OCA2: variants seen among roughly 807,000 people sequenced by gnomAD.
OCA2 encodes the protein P protein.
OCA2 carries 77 observed loss-of-function variants against 100.2 expected under a neutral mutation model. The ratio of observed to expected loss-of-function variants is 0.77; its 90% CI spans 0.64 to 0.93. The LOEUF (loss-of-function observed/expected upper bound fraction) is 0.93. Ranked by LOEUF, OCA2 falls within the 40% of genes least tolerant of loss-of-function variation. The pLI, the probability that OCA2 is intolerant of heterozygous loss-of-function variation, is 0.00. For synonymous variants in OCA2, 432 were observed against 439.2 expected, an observed-to-expected ratio of 0.98 and a Z score of 0.21; for missense variants, 1,062 against 1,089.1, an observed-to-expected ratio of 0.98 and a Z score of 0.35.
intron 16 of OCA2, 94 bp from the exon 17 acceptor site, chr15:27,955,309 G>A (rs912128477): frequency 6.3e-5 from 58 of 918,674 alleles, no homozygotes; most frequent in East Asian, 6.0e-4. Context: ...GCCTGGACGC[G>A]GTCTGTGACT....
At chr15:28,058,560 C>T (rs1285755149) in intron 2 of OCA2, among the ~76,000 whole-genome samples, 1 of 152,182 alleles carries the variant, frequency 6.6e-6, no homozygotes, top group Admixed American at 6.5e-5. Context: ...CCTGTCACCT[C>T]CTCATCCCCC....
Position 27,821,154 on chromosome 15 carries a change from T to C in OCA2, c.2432+23805A>G, listed in dbSNP as rs1024922492. ...CAGAGGCTATGATTTCCAAAGCCCA[T>C]AACAACACGAGAAAAGCACCAGTTT... is the stretch of plus-strand genomic sequence containing the variant. On this transcript the variant is annotated intron_variant, in intron 23 of 23. Transcript: ENST00000354638. Among the ~76,000 whole-genome samples, 13 of 152,194 alleles carry C rather than the reference T, an allele frequency of 8.5e-5. No homozygotes were observed. In the South Asian group the frequency reaches 2.1e-3, roughly 24 times the overall value.
intron 2 of OCA2, among the ~76,000 whole-genome samples, chr15:28,034,636 G>A (rs1028590422): frequency 1.3e-5 from 2 of 152,228 alleles, no homozygotes; most frequent in African/African-American, 4.8e-5. Flanking sequence ...TTAGCCGGGT[G>A]TGGTGGTGTA....
At chr15:27,861,785 A>G (rs1171125471) in intron 21 of OCA2, among the ~76,000 whole-genome samples, 5 of 152,332 alleles carry the variant, frequency 3.3e-5, no homozygotes, top group Non-Finnish European at 7.4e-5. Context: ...GTGTCTGGCT[A>G]CAGGAAACTG....
chr15:27,852,847 GAAATGC>G (rs2035807332), intron 21 of OCA2, among the ~76,000 whole-genome samples: 1 of 120,796 alleles, frequency 8.3e-6, no homozygotes, highest in Non-Finnish European at 1.7e-5. Flanking sequence ...GGCCATCAGA[GAAATGC>G]AAATCAAAAC....
chr15:27,842,021 CA>C (rs2035360104), intron 23 of OCA2, among the ~76,000 whole-genome samples: 1 of 152,194 alleles, frequency 6.6e-6, no homozygotes. Flanking sequence ...AATTTATCTT[CA>C]ATTATCAGAA....
intron 2 of OCA2, among the ~76,000 whole-genome samples, chr15:28,052,677 G>GTA (rs2043553449): frequency 6.6e-6 from 1 of 152,226 alleles, no homozygotes; most frequent in East Asian, 1.9e-4. Context: ...ACGATACGAT[G>GTA]TAAAACTAGA....
Position 27,946,946 on chromosome 15 carries a change from C to T in OCA2, c.1951+4838G>A, listed in dbSNP as rs139654240. The stretch of plus-strand genomic sequence containing the variant: ...ATTCCAGAAAGGGGCCTGCCCCACA[C>T]TCAGAAGGAAGGAGTGCCGCTCAGA... On this transcript the variant is annotated intron_variant, in intron 18 of 23. Coordinates refer to ENST00000354638, the MANE Select transcript of OCA2 (RefSeq NM_000275.3). 1.5e-3 allele frequency among the ~76,000 whole-genome samples: 225 copies of T among 152,366 alleles called. 1 individual carries two copies. The highest frequency in any genetic ancestry group is 5.0e-3 in the African/African-American group (207 of 41,596).
intron 9 of OCA2, among the ~76,000 whole-genome samples, chr15:28,010,451 T>C (rs1262209277): frequency 1.3e-5 from 2 of 152,190 alleles, no homozygotes; most frequent in African/African-American, 2.4e-5. Flanking sequence ...ATTGTCTACA[T>C]AGGAAATCTC....
Position 27,847,898 on chromosome 15 carries a change from G to A in OCA2, c.2339-2846C>T, listed in dbSNP as rs926535674. 6.6e-5 allele frequency among the ~76,000 whole-genome samples: 10 copies of A among 152,144 alleles called. No homozygotes were observed. The South Asian group carries it at 8.3e-4, about 13-fold the overall frequency. ...CAGGTGGCACAAGTCCAGACACAGC[G>A]ACAGCAGAGCTCTGTGGCGCCGTCA... On this transcript the variant is annotated intron_variant, in intron 22 of 23. Transcript: ENST00000354638.
intron 18 of OCA2, among the ~76,000 whole-genome samples, chr15:27,948,933 C>T (rs766678689): frequency 6.6e-6 from 1 of 152,076 alleles, no homozygotes; most frequent in East Asian, 1.9e-4. Flanking sequence ...TTGCCAGGAC[C>T]GGGGGAGGGT....
chr15:27,729,631 A>C, the OCA2 span, among the ~76,000 whole-genome samples: 1 of 152,254 alleles, frequency 6.6e-6, no homozygotes, highest in African/African-American at 2.4e-5. Flanking sequence ...CAGAACCAGC[A>C]ACTGGAGCAT....
chr15:27,954,076 T>G (rs1211846023), intron 17 of OCA2, among the ~76,000 whole-genome samples: 1 of 151,804 alleles, frequency 6.6e-6, no homozygotes, highest in African/African-American at 2.4e-5. Flanking sequence ...TGAATGCCAT[T>G]ATTTCATTCC....
chr15:27,750,262 C>A (rs1366148117), downstream of OCA2, among the ~76,000 whole-genome samples: 1 of 152,096 alleles, frequency 6.6e-6, no homozygotes, highest in East Asian at 1.9e-4. Flanking sequence ...GACAAATTAA[C>A]CTGTATATTG....
intron 18 of OCA2, among the ~76,000 whole-genome samples, chr15:27,948,057 G>T (rs991159063): frequency 6.6e-6 from 1 of 152,204 alleles, no homozygotes; most frequent in Non-Finnish European, 1.5e-5. Flanking sequence ...TAATGAACCA[G>T]GCATTAGCAG....
At position 27,957,655 on chromosome 15, in the gene OCA2, G is replaced by A. The variant is rs140556122; in HGVS notation, c.1717C>T (p.Arg573Cys). ...GCCAGCACCTTCCCCAGCAGCAGGC[G>A]GCGCACAGCTGTCTCCTCGCGGCTG... ...PASREETAVR[R>C]LLLGKVLALE... The change falls in exon 16 of 24, where the codon CGC becomes TGC. Residue 573 changes from arginine to cysteine, a missense_variant. Transcript: ENST00000354638. This position sits in a 1 kb window ranked among gnomAD's most constrained non-coding sequence, Gnocchi z 4.3. The A allele has an allele frequency of 4.4e-5, 71 of 1,613,054 alleles. No individual in the cohort carries two copies. In the African/African-American group the frequency reaches 6.4e-4, roughly 15 times the overall value.
intron 23 of OCA2, among the ~76,000 whole-genome samples, chr15:27,785,680 T>A (rs2032779145): frequency 6.6e-6 from 1 of 152,168 alleles, no homozygotes; most frequent in Non-Finnish European, 1.5e-5. Context: ...GAAGACAGTA[T>A]GGCAGTGCCT....
At chr15:28,053,659 G>A (rs913219299) in intron 2 of OCA2, among the ~76,000 whole-genome samples, 3 of 152,170 alleles carry the variant, frequency 2.0e-5, no homozygotes, top group Admixed American at 6.5e-5. Context: ...AGCCCATGAG[G>A]TCTCCCAAAG....
chr15:27,907,592 G>A (rs2038227032), intron 19 of OCA2, among the ~76,000 whole-genome samples: 1 of 151,968 alleles, frequency 6.6e-6, no homozygotes, highest in South Asian at 2.1e-4. Flanking sequence ...AAATTAACAA[G>A]ATGGACAAAC....
Sources: gnomAD v4.1 joint callset for allele counts (sites outside exome capture counted in the v4.1 genomes callset) on GRCh38, gnomAD v4.1.1 for gene constraint, Gnocchi (gnomAD v3.1) non-coding constraint, MANE v1.5 for transcripts, NCBI Gene and HGNC (gene_info 2026-07-23, HGNC 2026-07-21) for gene names.